TFDP1: variants seen among roughly 807,000 people sequenced by gnomAD.
TFDP1 encodes transcription factor Dp-1, also known as DRTF1-polypeptide 1.
A neutral mutation model predicts 48.0 loss-of-function variants in TFDP1; 6 were observed. That is an observed-to-expected ratio of 0.13 (90% confidence interval 0.07 to 0.25). The LOEUF (loss-of-function observed/expected upper bound fraction) is 0.25, where lower values mean the gene tolerates loss of function less well. TFDP1 is among the 10% of genes least tolerant of loss of function. The pLI is 1.00. For missense variants in TFDP1, 335 were observed against 543.0 expected (o/e 0.62, Z 3.81); for synonymous variants, 201 against 211.6 (o/e 0.95, Z 0.44).
intron 3 of TFDP1, among the ~76,000 whole-genome samples, chr13:113,621,086 TC>T (rs1399428975): frequency 6.6e-6 from 1 of 152,240 alleles, no homozygotes; most frequent in Non-Finnish European, 1.5e-5. Context: ...AAATGAAACT[TC>T]AGATCGCAAA....
In TFDP1 at chr13:113,631,662, C is replaced by T. The variant is rs1478402413; in HGVS notation, c.226C>T (p.Leu76=). ...TCAGAGACCGGCAGCGTCAAACACC[C>T]TGGTGGTAGGAAGCCCACACACCCC... is the stretch of plus-strand genomic sequence containing the variant. The part of the protein sequence containing the change: ...TPQRPAASNT[L]VVGSPHTPST... The change falls in exon 5 of 12, where the codon CTG becomes TTG. Residue 76 remains leucine, a synonymous_variant. Transcript: ENST00000375370. 1 of 1,614,158 alleles carries T rather than the reference C, an allele frequency of 6.2e-7. No individual in the cohort carries two copies. The highest frequency in any genetic ancestry group is 1.7e-5 in the Admixed American group (1 of 60,008).
chr13:113,638,447 T>C (rs2049556216), intron 11 of TFDP1, among the ~76,000 whole-genome samples: 1 of 152,112 alleles, frequency 6.6e-6, no homozygotes, highest in Admixed American at 6.6e-5. Flanking sequence ...TCAGAACGCG[T>C]CTGCGGTCTC....
At chr13:113,614,778 C>T (rs184139403) in intron 3 of TFDP1, among the ~76,000 whole-genome samples, 2 of 152,332 alleles carry the variant, frequency 1.3e-5, no homozygotes, top group East Asian at 3.9e-4. Flanking sequence ...TGGGTGGGGA[C>T]TCACTACAGG....
rs74116245 is a variant in TFDP1 at position 113,592,671 on chromosome 13, C to T, written c.12+6822C>T. 1.4e-3 allele frequency among the ~76,000 whole-genome samples: 212 copies of T among 152,362 alleles called. 1 individual carries two copies. The highest frequency in any genetic ancestry group is 4.8e-3 in the African/African-American group (199 of 41,582). On this transcript the variant is annotated intron_variant, in intron 2 of 11. Transcript: ENST00000375370. Reference sequence around the variant, plus strand: ...AGTGAATGGGGAAGCAGGAGAGGGTCAGAAACCTGAATGGGTCAGCCCAGA... The same window carrying T: ...AGTGAATGGGGAAGCAGGAGAGGGTTAGAAACCTGAATGGGTCAGCCCAGA...
At position 113,598,542 on chromosome 13, in the gene TFDP1, CA is replaced by C. The variant is rs2048337731; in HGVS notation, c.13-12453del. Among the ~76,000 whole-genome samples, 1 of 152,152 alleles carries C rather than the reference CA, an allele frequency of 6.6e-6. No individual in the cohort carries two copies. The highest frequency in any genetic ancestry group is 2.1e-4 in the South Asian group (1 of 4,834). On this transcript the variant is annotated intron_variant, in intron 2 of 11. Transcript: ENST00000375370. The surrounding 1 kb of genome is among the most constrained non-coding windows in gnomAD (Gnocchi z 4.2). The stretch of plus-strand genomic sequence containing the variant: ...CCTGAAGGTTCTGGTGCCCCCGAAG[CA>C]CAGCCCCACCTCCCTAACCTGCCCT...
chr13:113,614,677 G>A (rs1006934474), intron 3 of TFDP1, among the ~76,000 whole-genome samples: 1 of 152,194 alleles, frequency 6.6e-6, no homozygotes, highest in Admixed American at 6.5e-5. Flanking sequence ...GGGCCACTGT[G>A]TCTCTTCCTG....
chr13:113,585,688 C>G (rs2047985447), intron 1 of TFDP1, 86 bp from the exon 2 acceptor site: 1 of 796,770 alleles, frequency 1.3e-6, no homozygotes, highest in Non-Finnish European at 1.9e-6. Flanking sequence ...GTCCGCGTTT[C>G]CTTTGAGATG....
chr13:113,617,304 T>TGGC (rs1269237038), intron 3 of TFDP1, among the ~76,000 whole-genome samples: 1 of 152,196 alleles, frequency 6.6e-6, no homozygotes, highest in Non-Finnish European at 1.5e-5. Flanking sequence ...AGCGGGTGCC[T>TGGC]GGCTGTGGTC....
intron 10 of TFDP1, chr13:113,637,325 G>T: frequency 3.4e-6 from 1 of 294,408 alleles, no homozygotes. Context: ...CCCTGAGAGG[G>T]TCAGAGATTC....
Position 113,611,057 on chromosome 13 carries a change from G to C in TFDP1, c.74G>C (p.Gly25Ala), listed in dbSNP as rs776729935. The part of the protein sequence containing the change: ...KVFIDQNLSP[G>A]KGVVSLVAVH... ...TTCATAGACCAGAACCTTAGTCCCG[G>C]GAAAGGTAAGGGCACCTGTTCTGGA... Residue 25 changes from glycine to alanine, a missense_variant, in exon 3 of 12, where the codon GGG (glycine) becomes GCG (alanine). By Grantham distance (60) the Gly-to-Ala change is moderately conservative. Coordinates refer to ENST00000375370, the MANE Select transcript of TFDP1 (RefSeq NM_007111.5). 1 of 1,613,924 alleles carries C rather than the reference G, an allele frequency of 6.2e-7. No homozygotes were observed. Among genetic ancestry groups the C allele is most frequent in the Admixed American group, 1.7e-5 (1 of 60,014 alleles).
At chr13:113,592,134 G>T (rs114897655) in intron 2 of TFDP1, among the ~76,000 whole-genome samples, 1 of 152,026 alleles carries the variant, frequency 6.6e-6, no homozygotes, top group Non-Finnish European at 1.5e-5. Flanking sequence ...GCCTCTTCCC[G>T]TTAGTCTTTT....
intron 2 of TFDP1, among the ~76,000 whole-genome samples, chr13:113,590,713 A>G (rs1444496566): frequency 6.6e-6 from 1 of 152,126 alleles, no homozygotes; most frequent in Non-Finnish European, 1.5e-5. Context: ...ATTAAAAATT[A>G]GAAAATTATA....
At chr13:113,609,707 G>C (rs1041084192) in intron 2 of TFDP1, among the ~76,000 whole-genome samples, 2 of 152,232 alleles carry the variant, frequency 1.3e-5, no homozygotes, top group Non-Finnish European at 2.9e-5. Flanking sequence ...GCACCAGGGG[G>C]TTGTGGCGTC....
intron 2 of TFDP1, among the ~76,000 whole-genome samples, chr13:113,608,706 C>T (rs540847383): frequency 2.0e-5 from 3 of 152,318 alleles, no homozygotes; most frequent in South Asian, 4.1e-4. Context: ...TTTAACTTCT[C>T]GGTCTTACCC....
At chr13:113,597,844 C>T (rs1566639633) in intron 2 of TFDP1, among the ~76,000 whole-genome samples, 1 of 152,156 alleles carries the variant, frequency 6.6e-6, no homozygotes, top group African/African-American at 2.4e-5. Flanking sequence ...GGGGACTCTG[C>T]GGCCTCTGTC....
At chr13:113,593,043 G>A (rs1363123130) in intron 2 of TFDP1, among the ~76,000 whole-genome samples, 1 of 147,908 alleles carries the variant, frequency 6.8e-6, no homozygotes, top group African/African-American at 2.5e-5. Context: ...ATGCGTGTGG[G>A]TCCTCAGCCC....
At chr13:113,586,002 A>G (rs2047994395) in intron 2 of TFDP1, 153 bp downstream of exon 2, 1 of 856,140 alleles carries the variant, frequency 1.2e-6, no homozygotes, top group Admixed American at 2.3e-5. Flanking sequence ...AAGGTGAAAG[A>G]TGGAAGGATC....
chr13:113,628,562 C>T (rs1455298089), intron 4 of TFDP1, among the ~76,000 whole-genome samples: 1 of 152,236 alleles, frequency 6.6e-6, no homozygotes, highest in Non-Finnish European at 1.5e-5. Flanking sequence ...CCCAGAGGCT[C>T]CTGGATCTCC....
intron 1 of TFDP1, 82 bp from the exon 2 acceptor site, chr13:113,585,692 T>G: frequency 2.4e-6 from 2 of 833,046 alleles, no homozygotes; most frequent in Non-Finnish European, 3.7e-6. Context: ...GCGTTTCCTT[T>G]GAGATGTGTT....
Sources: allele counts gnomAD v4.1 joint callset (sites outside exome capture counted in the v4.1 genomes callset), GRCh38; gene constraint gnomAD v4.1.1; non-coding constraint Gnocchi (gnomAD v3.1); transcripts MANE v1.5; gene names NCBI Gene and HGNC (gene_info 2026-07-23, HGNC 2026-07-21).